The following MTUS1 variants were observed in gnomAD, a reference collection of about 807,000 sequenced individuals.
The protein encoded by MTUS1 is microtubule associated scaffold protein 1.
A neutral mutation model predicts 120.8 loss-of-function variants in MTUS1; 109 were observed. That is an observed-to-expected ratio of 0.90 (90% confidence interval 0.77 to 1.06). The LOEUF is 1.06. Ranked by LOEUF, MTUS1 falls within the 50% of genes least tolerant of loss-of-function variation. The pLI, the probability that MTUS1 is intolerant of heterozygous loss-of-function variation, is 0.00. For missense variants in MTUS1, 2,210 were observed against 1,486.3 expected (o/e 1.49, Z -8.01); for synonymous variants, 737 against 550.5 (o/e 1.34, Z -4.74).
At chr8:17,698,271 G>T (rs1384411765) in intron 6 of MTUS1, among the ~76,000 whole-genome samples, 1 of 152,174 alleles carries the variant, frequency 6.6e-6, no homozygotes, top group Non-Finnish European at 1.5e-5. Context: ...TCTTATAGTG[G>T]TCTTTCAAGA....
rs534449719 is a variant in MTUS1, at chr8:17,665,857, TC to T, written c.2905+9328del. On this transcript the variant is annotated intron_variant, in intron 8 of 14. Transcript: ENST00000693296. ...ATAAGGCAGGTAAAAAAATGACCTT[TC>T]CCCCCCTATACTGGGTAGTGCTGAC... Among the ~76,000 whole-genome samples the T allele has an allele frequency of 2.5e-3, 384 of 152,040 alleles. 1 individual carries two copies. Among genetic ancestry groups the T allele is most frequent in the African/African-American group, 8.8e-3 (365 of 41,454 alleles).
chr8:17,723,843 T>A lies in MTUS1; in HGVS notation c.2288-10A>T, dbSNP rs1554507580. The stretch of plus-strand genomic sequence containing the variant: ...AAGGATGTAGGCTTTCCTTGGGGTT[T>A]AAAAAAAACAAAAAGTTTCCAGTGC... On this transcript the variant is annotated splice_polypyrimidine_tract_variant and intron_variant, in intron 3 of 14. Transcript: ENST00000693296. The A allele has an allele frequency of 4.6e-6, 7 of 1,537,198 alleles. No individual in the cohort carries two copies. In the South Asian group the frequency reaches 6.2e-5, roughly 14 times the overall value.
At chr8:17,689,582 TC>T (rs1585712136) in intron 6 of MTUS1, among the ~76,000 whole-genome samples, 1 of 152,184 alleles carries the variant, frequency 6.6e-6, no homozygotes, top group East Asian at 1.9e-4. Context: ...GACTCCTAAC[TC>T]AAAGAAGAGT....
At chr8:17,705,395 T>C (rs1819957524) in intron 6 of MTUS1, among the ~76,000 whole-genome samples, 1 of 152,240 alleles carries the variant, frequency 6.6e-6, no homozygotes. Context: ...AGTGTTTTAA[T>C]TACTTTGTGT....
At chr8:17,732,246 T>TA (rs1290802479) in intron 3 of MTUS1, among the ~76,000 whole-genome samples, 8 of 152,366 alleles carry the variant, frequency 5.3e-5, no homozygotes, top group African/African-American at 1.7e-4. Flanking sequence ...AGCCTGCCTC[T>TA]AGCCCTCCCG....
At chr8:17,775,681 T>C (rs190280727) in intron 1 of MTUS1, among the ~76,000 whole-genome samples, 2 of 152,368 alleles carry the variant, frequency 1.3e-5, no homozygotes, top group Admixed American at 1.3e-4. Flanking sequence ...ACAGCAAGTA[T>C]GCTGACAAAG....
At chr8:17,772,857 T>C (rs2050119944) in intron 1 of MTUS1, among the ~76,000 whole-genome samples, 1 of 152,126 alleles carries the variant, frequency 6.6e-6, no homozygotes, top group African/African-American at 2.4e-5. Context: ...AAAAACCATA[T>C]GAACATAAGG....
Position 17,669,792 on chromosome 8 carries a change from C to T in MTUS1, c.2905+5394G>A, listed in dbSNP as rs548591145. On this transcript the variant is annotated intron_variant, in intron 8 of 14. Transcript: ENST00000693296. ...TCCAGGAGGTGGAGGTTGCAGTGAC[C>T]CAAGATCATGCCACTGCACTCCAGC... Among the ~76,000 whole-genome samples the T allele has an allele frequency of 8.5e-5, 13 of 152,132 alleles. No homozygotes were observed. In the South Asian group the frequency reaches 1.9e-3, roughly 22 times the overall value.
At chr8:17,776,742 A>G (rs951914265) in intron 1 of MTUS1, among the ~76,000 whole-genome samples, 17 of 151,816 alleles carry the variant, frequency 1.1e-4, no homozygotes, top group Non-Finnish European at 2.2e-4. Flanking sequence ...GAAAGCATTC[A>G]ATAAATGTTG....
At chr8:17,681,850 A>G (rs1302242278) in intron 7 of MTUS1, among the ~76,000 whole-genome samples, 2 of 120,510 alleles carry the variant, frequency 1.7e-5, no homozygotes, top group African/African-American at 5.4e-5. Context: ...CGCTGAGAAA[A>G]GTTGAAAAAG....
chr8:17,796,851 C>T (rs754669438), intron 1 of MTUS1, among the ~76,000 whole-genome samples: 9 of 152,144 alleles, frequency 5.9e-5, no homozygotes, highest in Non-Finnish European at 1.0e-4. Context: ...CAGCGGCTCA[C>T]GCTTGTAATC....
chr8:17,730,584 C>G (rs185777694), intron 3 of MTUS1, among the ~76,000 whole-genome samples: 1 of 151,854 alleles, frequency 6.6e-6, no homozygotes, highest in Non-Finnish European at 1.5e-5. Flanking sequence ...TGGAAGCAAC[C>G]CTACTGTTCA....
At chr8:17,720,258 T>C (rs368097) in intron 4 of MTUS1, among the ~76,000 whole-genome samples, 77,730 of 151,316 alleles carry the variant, frequency 0.51, 20,707 homozygotes, top group Middle Eastern at 0.62. Context: ...GACAGGAGAA[T>C]TGCTTGAACC....
chr8:17,782,062 C>G (rs574058479), intron 1 of MTUS1, among the ~76,000 whole-genome samples: 1 of 152,286 alleles, frequency 6.6e-6, no homozygotes, highest in East Asian at 1.9e-4. Flanking sequence ...TGGGCAAGTC[C>G]GTGGTTTTAT....
At chr8:17,801,304 C>G (rs943657403), upstream of MTUS1, 1 of 151,870 alleles carries the variant, frequency 6.6e-6, no homozygotes, top group East Asian at 2.0e-4. Context: ...GCGGGGAGTT[C>G]GGGAAACTTG....
At chr8:17,800,146 G>T (rs1046524727) in intron 1 of MTUS1, among the ~76,000 whole-genome samples, 1 of 152,064 alleles carries the variant, frequency 6.6e-6, no homozygotes, top group Admixed American at 6.6e-5. Context: ...AGAGGTCACT[G>T]GTTCCCAGGA....
chr8:17,792,992 T>C (rs971764126), intron 1 of MTUS1, among the ~76,000 whole-genome samples: 1 of 152,234 alleles, frequency 6.6e-6, no homozygotes, highest in African/African-American at 2.4e-5. Flanking sequence ...GCAAAACTAC[T>C]CTGAAACACA....
intron 7 of MTUS1, chr8:17,676,057 A>C (rs938407027): frequency 3.5e-6 from 2 of 575,966 alleles, no homozygotes; most frequent in Non-Finnish European, 6.2e-6. Context: ...ACTAAAAAAA[A>C]AATGAAGAAT....
chr8:17,653,352 A>C (rs1807456892), intron 11 of MTUS1, 71 bp from the exon 12 acceptor site: 1 of 1,514,868 alleles, frequency 6.6e-7, no homozygotes, highest in Non-Finnish European at 9.0e-7. Flanking sequence ...GTACACAGAA[A>C]CATTAAAACC....
Sources: allele counts gnomAD v4.1 joint callset (sites outside exome capture counted in the v4.1 genomes callset), GRCh38; gene constraint gnomAD v4.1.1; transcripts MANE v1.5; gene names NCBI Gene and HGNC (gene_info 2026-07-23, HGNC 2026-07-21).